Variants in RIN2 observed in about 807,000 individuals in gnomAD.
The protein encoded by RIN2 is RAB5 interacting protein 2.
Under a neutral mutation model 78.0 loss-of-function variants are expected in RIN2, and 36 were observed. That is an observed-to-expected ratio of 0.46 (90% CI 0.35 to 0.61). The LOEUF is 0.61. Among genes scored for constraint, RIN2 ranks in the 20% least tolerant of loss-of-function variants. The probability of loss-of-function intolerance (pLI) is 0.00; values close to 1 mark genes in which losing one functional copy is unlikely to be tolerated. For missense variants in RIN2, 1,087 were observed against 1,159.7 expected (o/e 0.94, Z 0.91); for synonymous variants, 466 against 466.8 (o/e 1.00, Z 0.02).
At chr20:19,995,270 A>G (rs1047592747) in intron 11 of RIN2, among the ~76,000 whole-genome samples, 12 of 151,372 alleles carry the variant, frequency 7.9e-5, no homozygotes, top group Admixed American at 7.9e-4. Context: ...TTAAAAAAAA[A>G]AAAAAAAACA....
chr20:19,939,039 G>A (rs2040759954), intron 4 of RIN2, among the ~76,000 whole-genome samples: 1 of 152,100 alleles, frequency 6.6e-6, no homozygotes, highest in African/African-American at 2.4e-5. Flanking sequence ...AATCCAGGCA[G>A]CTCTACCTTT....
Position 19,842,208 on chromosome 20 carries a change from G to GTTT in RIN2, c.-37+42467_-37+42469dup, listed in dbSNP as rs760874785. On this transcript the variant is annotated intron_variant, in intron 2 of 12. Transcript: ENST00000255006. ...AGCACATCTGCTTTTTTGTTTCTTT[G>GTTT]TTTTTTTTGTTTGTTTGTTTGTTTG... 4.5e-5 allele frequency among the ~76,000 whole-genome samples: 3 copies of GTTT among 66,866 alleles called. No homozygotes were observed. In the East Asian group the frequency reaches 1.1e-3, roughly 25 times the overall value. 43.9% of individuals were successfully genotyped at this position (66,866 alleles called of 152,430 possible). A position where few individuals can be genotyped will look rare whatever the true frequency, so the allele number is the denominator to read the frequency against.
At chr20:19,853,058 G>C (rs191287981) in intron 2 of RIN2, among the ~76,000 whole-genome samples, 77 of 120,918 alleles carry the variant, frequency 6.4e-4, no homozygotes, top group South Asian at 7.9e-4. Context: ...ACAGGCCCCA[G>C]TGTGTGATGT....
intron 1 of RIN2, among the ~76,000 whole-genome samples, chr20:19,799,420 G>A (rs1361638007): frequency 6.6e-6 from 1 of 152,132 alleles, no homozygotes; most frequent in Non-Finnish European, 1.5e-5. Flanking sequence ...GATTTAGAGG[G>A]CATTCTGGTA....
chr20:19,842,279 G>A (rs369712837), intron 2 of RIN2, among the ~76,000 whole-genome samples: 2 of 151,170 alleles, frequency 1.3e-5, no homozygotes, highest in African/African-American at 2.4e-5. Context: ...CTGGAGTGTA[G>A]TGGTGCGATC....
In RIN2 at chr20:19,980,044, CAAAAAAAA is replaced by C. The variant is rs56268489; in HGVS notation, c.1762+4272_1762+4279del. Among the ~76,000 whole-genome samples, 10 of 72,704 alleles carry C rather than the reference CAAAAAAAA, an allele frequency of 1.4e-4. No individual in the cohort carries two copies. The Admixed American group carries it at 1.6e-3, about 11-fold the overall frequency. The allele number at this position is 72,704 out of a possible 152,430, so 47.7% of individuals were successfully genotyped here. ...GGGCAACAAGAGTGAAACTCCATCTCAAAAAAAAAAAAAAAAAAAAAACTCTTCTGAGA... is the reference window on the plus strand; with the variant it reads ...GGGCAACAAGAGTGAAACTCCATCTCAAAAAAAAAAAAAACTCTTCTGAGA... On this transcript the variant is annotated intron_variant, in intron 9 of 12. Transcript: ENST00000255006.
intron 4 of RIN2, among the ~76,000 whole-genome samples, chr20:19,946,621 A>G (rs573918380): frequency 1.3e-5 from 2 of 150,646 alleles, no homozygotes; most frequent in Admixed American, 6.6e-5. Flanking sequence ...GAGGCACAAG[A>G]ATTGTCTGAA....
At chr20:19,760,308 C>T (rs963037696) in intron 1 of RIN2, among the ~76,000 whole-genome samples, 6 of 152,098 alleles carry the variant, frequency 3.9e-5, no homozygotes, top group African/African-American at 1.2e-4. Flanking sequence ...GCTGGAGACA[C>T]GGGGAAAACC....
chr20:19,865,947 G>A (rs964912257), intron 2 of RIN2, among the ~76,000 whole-genome samples: 3 of 152,048 alleles, frequency 2.0e-5, no homozygotes, highest in Non-Finnish European at 4.4e-5. Flanking sequence ...TCCATAGACC[G>A]GGGTTGTGTG....
intron 2 of RIN2, among the ~76,000 whole-genome samples, chr20:19,800,512 G>A (rs537186005): frequency 7.9e-5 from 12 of 152,186 alleles, no homozygotes; most frequent in African/African-American, 2.9e-4. Flanking sequence ...GGGCTTCCAC[G>A]TAGCTCTCTA....
At chr20:19,819,449 A>G (rs2035866292) in intron 2 of RIN2, among the ~76,000 whole-genome samples, 1 of 152,230 alleles carries the variant, frequency 6.6e-6, no homozygotes, top group South Asian at 2.1e-4. Flanking sequence ...GCTTTAACAC[A>G]GGTATTCACA....
chr20:19,805,710 A>G (rs1464193839), intron 2 of RIN2, among the ~76,000 whole-genome samples: 2 of 151,534 alleles, frequency 1.3e-5, no homozygotes, highest in Non-Finnish European at 2.9e-5. Flanking sequence ...CCCAAGTTAC[A>G]AGGACTTTTT....
At chr20:19,873,744 A>G (rs953982318) in intron 2 of RIN2, among the ~76,000 whole-genome samples, 3 of 152,170 alleles carry the variant, frequency 2.0e-5, no homozygotes, top group African/African-American at 7.2e-5. Context: ...CCGAATTTGC[A>G]TCTCTGTGGG....
chr20:19,771,407 C>T (rs1245958607), intron 1 of RIN2, among the ~76,000 whole-genome samples: 1 of 152,206 alleles, frequency 6.6e-6, no homozygotes, highest in Non-Finnish European at 1.5e-5. Flanking sequence ...TCACATAACA[C>T]CTCCTTTGCG....
At chr20:19,890,534 G>C (rs574104571) in intron 3 of RIN2, among the ~76,000 whole-genome samples, 1 of 152,082 alleles carries the variant, frequency 6.6e-6, no homozygotes, top group Non-Finnish European at 1.5e-5. Context: ...GGAGGAAGAC[G>C]GAGGAGATTT....
intron 9 of RIN2, among the ~76,000 whole-genome samples, chr20:19,982,305 G>T (rs930350211): frequency 1.3e-5 from 2 of 152,140 alleles, no homozygotes. Flanking sequence ...CTTCTTTGAC[G>T]GTCAGAAACC....
At chr20:19,766,998 A>G (rs1328786587) in intron 1 of RIN2, among the ~76,000 whole-genome samples, 1 of 152,088 alleles carries the variant, frequency 6.6e-6, no homozygotes, top group Non-Finnish European at 1.5e-5. Flanking sequence ...GTAGGGGCCA[A>G]GGGAAAAGTT....
chr20:19,844,701 T>TTCC (rs1189433484), intron 2 of RIN2, among the ~76,000 whole-genome samples: 137 of 9,952 alleles, frequency 0.014, 5 homozygotes, highest in African/African-American at 0.025. Context: ...CCTCTTCCTC[T>TTCC]TCTTCTTCTT....
chr20:19,936,314 T>A (rs2040642150), intron 4 of RIN2, among the ~76,000 whole-genome samples: 1 of 152,166 alleles, frequency 6.6e-6, no homozygotes, highest in South Asian at 2.1e-4. Context: ...AAAGTCTTAT[T>A]TTTTCCCCAT....
Sources: gnomAD v4.1 joint callset for allele counts (sites outside exome capture counted in the v4.1 genomes callset) on GRCh38, gnomAD v4.1.1 for gene constraint, MANE v1.5 for transcripts, NCBI Gene and HGNC (gene_info 2026-07-23, HGNC 2026-07-21) for gene names.